The following OPRM1 variants were observed in gnomAD, a reference collection of about 807,000 sequenced individuals.
OPRM1 encodes the protein mu-type opioid receptor.
OPRM1 carries 27 observed loss-of-function variants against 31.8 expected under a neutral mutation model. The ratio of observed to expected loss-of-function variants is 0.85; its 90% CI spans 0.63 to 1.17. The LOEUF (loss-of-function observed/expected upper bound fraction) is 1.17, where lower values mean the gene tolerates loss of function less well. OPRM1 is among the 50% of genes most tolerant of loss of function. The pLI, the probability that OPRM1 is intolerant of heterozygous loss-of-function variation, is 0.00. For synonymous variants in OPRM1, 196 were observed against 189.9 expected, an observed-to-expected ratio of 1.03 and a Z score of -0.26; for missense variants, 536 against 511.1, an observed-to-expected ratio of 1.05 and a Z score of -0.47.
chr6:154,115,864 A>G (rs1796820753), intron 3 of OPRM1, among the ~76,000 whole-genome samples: 1 of 152,244 alleles, frequency 6.6e-6, no homozygotes, highest in South Asian at 2.1e-4. Flanking sequence ...CACCGTCGCT[A>G]GATATCTGGA....
chr6:154,170,102 T>C (rs1344919800), intron 3 of OPRM1, among the ~76,000 whole-genome samples: 2 of 152,200 alleles, frequency 1.3e-5, no homozygotes, highest in South Asian at 4.1e-4. Flanking sequence ...CCTCAAATGA[T>C]ACAGAGGTTA....
At chr6:154,018,905 A>G (rs1489458870) in intron 1 of OPRM1, among the ~76,000 whole-genome samples, 1 of 151,992 alleles carries the variant, frequency 6.6e-6, no homozygotes, top group Non-Finnish European at 1.5e-5. Flanking sequence ...TTTCTCCTCC[A>G]CAAATTTTGT....
At chr6:154,057,143 G>C (rs187149996) in intron 1 of OPRM1, among the ~76,000 whole-genome samples, 24 of 152,140 alleles carry the variant, frequency 1.6e-4, no homozygotes, top group African/African-American at 5.3e-4. Context: ...TGAGCAGTTT[G>C]AGTCTCATAA....
rs140140716 is a variant in OPRM1 at position 154,124,335 on chromosome 6, C to T, written c.*5614C>T. Among the ~76,000 whole-genome samples, 275 of 152,308 alleles carry T rather than the reference C, an allele frequency of 1.8e-3. 3 individuals carry two copies. The highest frequency in any genetic ancestry group is 6.3e-3 in the African/African-American group (263 of 41,576). ...TCAGTTTTCTATGGGTTTTTTCCAT[C>T]ATGCATTTTATACAAATTTAATATA... On this transcript the variant is annotated 3_prime_UTR_variant, in exon 4 of 4. Transcript: ENST00000330432.
chr6:154,052,578 T>C (rs1782428182), intron 1 of OPRM1, among the ~76,000 whole-genome samples: 1 of 152,234 alleles, frequency 6.6e-6, no homozygotes, highest in Non-Finnish European at 1.5e-5. Flanking sequence ...CATTTAAAAA[T>C]GTAAAATTGT....
rs559273239 is a variant in OPRM1 at position 154,194,092 on chromosome 6, C to A, written c.1165-52601C>A. On this transcript the variant is annotated intron_variant, in intron 3 of 3. Coordinates refer to the OPRM1 transcript ENST00000337049. ...GGGCAGATCACTGTTAATACCCGCT[C>A]CTCAACGTTTCAAACTGTTTTACAT... Among the ~76,000 whole-genome samples, 5 of 152,290 alleles carry A rather than the reference C, an allele frequency of 3.3e-5. No individual in the cohort carries two copies. The South Asian group carries it at 1.0e-3, about 32-fold the overall frequency.
At chr6:154,030,269 T>C (rs1357510722) in intron 1 of OPRM1, among the ~76,000 whole-genome samples, 1 of 152,330 alleles carries the variant, frequency 6.6e-6, no homozygotes, top group East Asian at 1.9e-4. Flanking sequence ...TGGTTTTTGC[T>C]CTTGAGGTTC....
intron 1 of OPRM1, among the ~76,000 whole-genome samples, chr6:154,088,975 T>C (rs950023192): frequency 6.6e-6 from 1 of 152,192 alleles, no homozygotes; most frequent in Non-Finnish European, 1.5e-5. Flanking sequence ...ATCATCCTGC[T>C]TGTGCTTTGA....
At chr6:154,191,715 G>C (rs1418363864) in intron 3 of OPRM1, among the ~76,000 whole-genome samples, 1 of 151,370 alleles carries the variant, frequency 6.6e-6, no homozygotes, top group Non-Finnish European at 1.5e-5. Context: ...ACAACAAAGA[G>C]TGAACCCTAA....
intron 3 of OPRM1, among the ~76,000 whole-genome samples, chr6:154,163,948 A>C (rs568056277): frequency 1.3e-5 from 2 of 152,360 alleles, no homozygotes; most frequent in African/African-American, 4.8e-5. Flanking sequence ...GGGATTGTTT[A>C]TAGAAAGTTA....
Position 154,118,721 on chromosome 6 carries a change from A to T in OPRM1, c.1203A>T (p.Ter401TyrextTer27). The stretch of plus-strand genomic sequence containing the variant: ...AAGCAGAAACTGCTCCGTTGCCCTA[A>T]CAGGGTCTCATGCCATTCCGACCTT... Reference protein sequence around the residue: ...NLEAETAPLP* With the variant: ...NLEAETAPLPY The change falls in exon 4 of 4, where the codon TAA becomes TAT. Residue 401 changes from the stop codon to tyrosine (Y), a stop_lost. Coordinates refer to ENST00000330432, the MANE Select transcript of OPRM1 (RefSeq NM_000914.5). The T allele has an allele frequency of 6.2e-7, 1 of 1,613,278 alleles. No homozygotes were observed. The highest frequency in any genetic ancestry group is 8.5e-7 in the Non-Finnish European group (1 of 1,179,540).
intron 3 of OPRM1, chr6:154,094,332 C>A: frequency 1.4e-6 from 1 of 696,418 alleles, no homozygotes; most frequent in Non-Finnish European, 2.2e-6. Flanking sequence ...ATTTGATAAG[C>A]CAATGAGAAA....
Position 154,231,135 on chromosome 6 carries a change from A to C in OPRM1, c.1165-15558A>C, listed in dbSNP as rs114556378. Among the ~76,000 whole-genome samples the C allele has an allele frequency of 7.6e-3, 1,158 of 152,350 alleles. 12 individuals are homozygous for C. Among genetic ancestry groups the C allele is most frequent in the African/African-American group, 0.025 (1,059 of 41,576 alleles). Reference sequence around the variant, plus strand: ...GCCCATTCTCATGCCGCCTTAGAACAGTTGTCTCTAGATTCTCACACTACA... The same window carrying C: ...GCCCATTCTCATGCCGCCTTAGAACCGTTGTCTCTAGATTCTCACACTACA... On this transcript the variant is annotated intron_variant, in intron 3 of 3. Coordinates refer to the OPRM1 transcript ENST00000337049.
chr6:154,118,630 T>C (rs780550575), intron 3 of OPRM1, 53 bp from the exon 4 acceptor site: 34 of 1,565,552 alleles, frequency 2.2e-5, no homozygotes, highest in Admixed American at 1.2e-4. Context: ...AACAAATGTG[T>C]GTTGCAACCG....
chr6:154,046,688 T>A (rs1781178628), intron 1 of OPRM1: 1 of 152,130 alleles, frequency 6.6e-6, no homozygotes, highest in Non-Finnish European at 1.5e-5. Context: ...CCCATCAATT[T>A]CTCAGATACA....
At chr6:154,117,075 C>A (rs954424554) in intron 3 of OPRM1, among the ~76,000 whole-genome samples, 13 of 152,186 alleles carry the variant, frequency 8.5e-5, no homozygotes, top group Non-Finnish European at 1.5e-4. Context: ...ACCTTTCAAC[C>A]TCCATCTATT....
At chr6:154,236,104 T>C (rs993139270) in intron 3 of OPRM1, among the ~76,000 whole-genome samples, 1 of 152,190 alleles carries the variant, frequency 6.6e-6, no homozygotes, top group Non-Finnish European at 1.5e-5. Context: ...ATTGTGAATA[T>C]TGGCATTATT....
At chr6:154,187,055 G>C (rs1260443726) in intron 3 of OPRM1, among the ~76,000 whole-genome samples, 1 of 152,100 alleles carries the variant, frequency 6.6e-6, no homozygotes, top group Non-Finnish European at 1.5e-5. Context: ...TCCACACTCT[G>C]TCTTCCTGCC....
In OPRM1 at chr6:154,202,382, A is replaced by G. The variant is rs111863540; in HGVS notation, c.1165-44311A>G. 3.2e-3 allele frequency among the ~76,000 whole-genome samples: 493 copies of G among 152,304 alleles called. 4 individuals carry two copies. The highest frequency in any genetic ancestry group is 0.011 in the African/African-American group (478 of 41,576). On this transcript the variant is annotated intron_variant, in intron 3 of 3. Coordinates refer to the OPRM1 transcript ENST00000337049. ...CCTAGTTATCTAGAGGAGGGAATGC[A>G]CTACCCCCAAATTGTCCAAATAAAT... is the stretch of plus-strand genomic sequence containing the variant.
Sources: gnomAD v4.1 joint callset for allele counts (sites outside exome capture counted in the v4.1 genomes callset) on GRCh38, gnomAD v4.1.1 for gene constraint, MANE v1.5 for transcripts, NCBI Gene and HGNC (gene_info 2026-07-23, HGNC 2026-07-21) for gene names.